The following USH2A variants were observed in gnomAD, a reference collection of about 807,000 sequenced individuals.
USH2A encodes the protein usherin.
Under a neutral mutation model 538.9 loss-of-function variants are expected in USH2A, and 443 were observed. That is an observed-to-expected ratio of 0.82 (90% CI 0.76 to 0.89). USH2A has a LOEUF of 0.89. Ranked by LOEUF, USH2A falls within the 40% of genes least tolerant of loss-of-function variation. The pLI, the probability that USH2A is intolerant of heterozygous loss-of-function variation, is 0.00. For missense variants in USH2A, 6,633 were observed against 6,324.8 expected, an observed-to-expected ratio of 1.05 and a Z score of -1.65; for synonymous variants, 2,413 against 2,273.5, an observed-to-expected ratio of 1.06 and a Z score of -1.75.
Position 215,805,018 on chromosome 1 carries a change from G to T in USH2A, c.9740-5893C>A, listed in dbSNP as rs371841940. Among the ~76,000 whole-genome samples, 16 of 152,120 alleles carry T rather than the reference G, an allele frequency of 1.1e-4. No individual in the cohort carries two copies. In the East Asian group the frequency reaches 1.4e-3, roughly 13 times the overall value. On this transcript the variant is annotated intron_variant, in intron 49 of 71. Coordinates refer to ENST00000307340, the MANE Select transcript of USH2A (RefSeq NM_206933.4). ...ATGAAGCTGGAAACCGTCATTCTCG[G>T]CAAACTATCGCAAGGACAAAGAACC...
At chr1:215,900,642 A>G (rs937288610) in intron 39 of USH2A, 113 bp downstream of exon 39, 1 of 1,365,046 alleles carries the variant, frequency 7.3e-7, no homozygotes, top group African/African-American at 1.4e-5. Flanking sequence ...GTTTTTTTGT[A>G]CTTTTAAAAG....
At chr1:216,164,613 C>T (rs1350579967) in intron 21 of USH2A, among the ~76,000 whole-genome samples, 8 of 151,962 alleles carry the variant, frequency 5.3e-5, no homozygotes, top group African/African-American at 1.7e-4. Flanking sequence ...AAATGAGATG[C>T]AGAACATGTA....
chr1:216,084,923 AT>A, intron 24 of USH2A, 46 bp from the exon 25 acceptor site: 1 of 1,582,324 alleles, frequency 6.3e-7, no homozygotes, highest in Non-Finnish European at 8.7e-7. Flanking sequence ...TTGAAAGATT[AT>A]TTTCAAGCAA....
At chr1:216,063,260 C>G (rs2031243418) in intron 30 of USH2A, among the ~76,000 whole-genome samples, 1 of 152,184 alleles carries the variant, frequency 6.6e-6, no homozygotes. Flanking sequence ...CCAAATCCAG[C>G]TTTCTGGCTC....
intron 27 of USH2A, among the ~76,000 whole-genome samples, chr1:216,076,639 A>G (rs980111724): frequency 2.6e-5 from 4 of 152,050 alleles, no homozygotes; most frequent in Non-Finnish European, 5.9e-5. Context: ...TGAATGTAAT[A>G]TTTTTAGCTG....
chr1:215,980,234 T>C (rs1356416404), intron 35 of USH2A, among the ~76,000 whole-genome samples: 1 of 152,106 alleles, frequency 6.6e-6, no homozygotes, highest in Admixed American at 6.6e-5. Flanking sequence ...GGAAAAACTC[T>C]TGATAGTGGA....
chr1:216,090,900 T>A (rs903446155), intron 22 of USH2A, among the ~76,000 whole-genome samples: 1 of 152,150 alleles, frequency 6.6e-6, no homozygotes, highest in Non-Finnish European at 1.5e-5. Context: ...TGTACTTAGT[T>A]AGCGTTAAAA....
At chr1:216,057,409 A>G in intron 30 of USH2A, among the ~76,000 whole-genome samples, 1 of 152,212 alleles carries the variant, frequency 6.6e-6, no homozygotes, top group East Asian at 1.9e-4. Flanking sequence ...TAATGCCAGC[A>G]CTTTGGGAGG....
intron 29 of USH2A, among the ~76,000 whole-genome samples, chr1:216,071,168 C>T (rs900315945): frequency 2.4e-4 from 36 of 152,142 alleles, no homozygotes; most frequent in Non-Finnish European, 7.3e-5. Context: ...TCATGGACTC[C>T]TGAGCCCTGT....
intron 20 of USH2A, among the ~76,000 whole-genome samples, chr1:216,176,154 T>C (rs1169091504): frequency 6.6e-6 from 1 of 152,102 alleles, no homozygotes; most frequent in Non-Finnish European, 1.5e-5. Flanking sequence ...AAAAAGACTT[T>C]CATTATTTTT....
chr1:216,260,802 A>G (rs2036355503), intron 11 of USH2A, among the ~76,000 whole-genome samples: 1 of 152,152 alleles, frequency 6.6e-6, no homozygotes, highest in Non-Finnish European at 1.5e-5. Flanking sequence ...GGTAGACATG[A>G]AAGGATTAAG....
intron 51 of USH2A, among the ~76,000 whole-genome samples, chr1:215,789,408 G>A (rs536929285): frequency 5.3e-5 from 8 of 152,198 alleles, no homozygotes; most frequent in African/African-American, 1.9e-4. Context: ...TACAGAACAC[G>A]GTAGCATGTT....
intron 11 of USH2A, among the ~76,000 whole-genome samples, chr1:216,286,754 C>T (rs189462021): frequency 3.8e-4 from 57 of 150,452 alleles, no homozygotes; most frequent in African/African-American, 1.3e-3. Flanking sequence ...TAAATAAAAA[C>T]CTATTTTTCT....
rs141804686 is a variant in USH2A at position 215,922,936 on chromosome 1, T to A, written c.7300+11680A>T. On this transcript the variant is annotated intron_variant, in intron 38 of 71. Coordinates refer to ENST00000307340, the MANE Select transcript of USH2A (RefSeq NM_206933.4). Reference sequence around the variant, plus strand: ...AATAGTGGAGAAACAGCTCAGAAGATTGTCAAATGAAGTGGCTCTGAGGAG... The same window carrying A: ...AATAGTGGAGAAACAGCTCAGAAGAATGTCAAATGAAGTGGCTCTGAGGAG... Among the ~76,000 whole-genome samples, 9 of 152,020 alleles carry A rather than the reference T, an allele frequency of 5.9e-5. No individual in the cohort carries two copies. In the East Asian group the frequency reaches 1.7e-3, roughly 29 times the overall value.
At chr1:216,214,717 G>T (rs1179528454) in intron 15 of USH2A, among the ~76,000 whole-genome samples, 1 of 151,948 alleles carries the variant, frequency 6.6e-6, no homozygotes, top group Non-Finnish European at 1.5e-5. Context: ...TAATAAAGCT[G>T]TTAATAAAAG....
chr1:216,324,262 A>G lies in USH2A; in HGVS notation c.1234T>C (p.Trp412Arg). The G allele has an allele frequency of 6.2e-7, 1 of 1,613,430 alleles. No homozygotes were observed. Among genetic ancestry groups the G allele is most frequent in the Non-Finnish European group, 8.5e-7 (1 of 1,179,732 alleles). The change falls in exon 7 of 72, where the codon TGG becomes CGG. Residue 412 changes from tryptophan to arginine, a missense_variant. Transcript: ENST00000307340. Reference sequence around the variant, plus strand: ...CCACAATTCCTGGCAAAATATTGCCAGTCCTCCCAATCTAAACTATTTTCC... The same window carrying G: ...CCACAATTCCTGGCAAAATATTGCCGGTCCTCCCAATCTAAACTATTTTCC... Reference protein sequence around the residue: ...KKENSLDWEDWQYFARNCGAF... With the variant: ...KKENSLDWEDRQYFARNCGAF...
At chr1:216,219,691 A>G (rs1278575457) in intron 14 of USH2A, among the ~76,000 whole-genome samples, 2 of 152,144 alleles carry the variant, frequency 1.3e-5, no homozygotes. Context: ...AGAAACCTTT[A>G]TTACACTGAC....
At chr1:215,804,113 C>A (rs901994620) in intron 49 of USH2A, among the ~76,000 whole-genome samples, 2 of 141,996 alleles carry the variant, frequency 1.4e-5, no homozygotes, top group Non-Finnish European at 3.1e-5. Context: ...CCCTTCCTTA[C>A]ACCTTATACA....
chr1:215,724,707 C>T (rs907563091), intron 61 of USH2A, among the ~76,000 whole-genome samples: 6 of 152,274 alleles, frequency 3.9e-5, no homozygotes, highest in South Asian at 2.1e-4. Flanking sequence ...ACAGTAATAG[C>T]CTGTGCCTCA....
Sources: allele counts gnomAD v4.1 joint callset (sites outside exome capture counted in the v4.1 genomes callset), GRCh38; gene constraint gnomAD v4.1.1; transcripts MANE v1.5; gene names NCBI Gene and HGNC (gene_info 2026-07-23, HGNC 2026-07-21).